Variants in ING3 observed in about 807,000 individuals in gnomAD.
The protein encoded by ING3 is inhibitor of growth family member 3.
In ING3, 6 loss-of-function variants were observed where a neutral mutation model predicts 64.8. That is an observed-to-expected ratio of 0.09 (90% CI 0.05 to 0.18). ING3 has a LOEUF of 0.18. Ranked by LOEUF, ING3 falls within the 10% of genes least tolerant of loss-of-function variation. The pLI, the probability that ING3 is intolerant of heterozygous loss-of-function variation, is 1.00. For synonymous variants in ING3, 170 were observed against 173.7 expected, an observed-to-expected ratio of 0.98 and a Z score of 0.17; for missense variants, 310 against 489.7, an observed-to-expected ratio of 0.63 and a Z score of 3.46.
chr7:120,967,413 G>A, intron 6 of ING3, 116 bp from the exon 7 acceptor site: 1 of 657,422 alleles, frequency 1.5e-6, no homozygotes, highest in Non-Finnish European at 2.4e-6. Flanking sequence ...ATCATGTTCT[G>A]TATTTTATGA....
At chr7:120,966,908 AG>A (rs1446178822) in intron 6 of ING3, among the ~76,000 whole-genome samples, 1 of 152,160 alleles carries the variant, frequency 6.6e-6, no homozygotes, top group Non-Finnish European at 1.5e-5. Flanking sequence ...AATGCGTAGA[AG>A]GAGAATGTAT....
In ING3 at chr7:120,968,017, G is replaced by A; in HGVS notation, c.640G>A (p.Gly214Ser). The A allele has an allele frequency of 6.2e-7, 1 of 1,614,010 alleles. No individual in the cohort carries two copies. The highest frequency in any genetic ancestry group is 8.5e-7 in the Non-Finnish European group (1 of 1,179,990). Reference protein sequence around the residue: ...SSQPLGSYNIGSLSSGTGAGA... With the variant: ...SSQPLGSYNISSLSSGTGAGA... The stretch of plus-strand genomic sequence containing the variant: ...CCAACCTCTGGGATCCTATAACATT[G>A]GCTCGTTATCTTCAGGAACTGGTGC... Residue 214 changes from glycine (G) to serine (S), a missense_variant, in exon 8 of 12, where the codon GGC becomes AGC. By Grantham distance (56) the Gly-to-Ser change is moderately conservative. This residue lies in a region of ING3 where 233 missense variants were observed against 289.4 expected (regional missense o/e 0.81). Coordinates refer to ENST00000315870, the MANE Select transcript of ING3 (RefSeq NM_019071.3).
At chr7:120,959,377 C>A (rs1299120186) in intron 4 of ING3, among the ~76,000 whole-genome samples, 1 of 152,212 alleles carries the variant, frequency 6.6e-6, no homozygotes, top group African/African-American at 2.4e-5. Context: ...TTAGTGTTAA[C>A]AATTATACGT....
Position 120,969,097 on chromosome 7 carries a change from A to G in ING3, c.801A>G (p.Ser267=). ...ACTTTCAGTTGGGAAAAGAATTTTCAATGGCCAGGGAAACAGTTGGCTATT... is the reference window on the plus strand; with the variant it reads ...ACTTTCAGTTGGGAAAAGAATTTTCGATGGCCAGGGAAACAGTTGGCTATT... The part of the protein sequence containing the change: ...NNDFQLGKEF[S]MARETVGYSS... The change falls in exon 9 of 12, where the codon TCA becomes TCG. Residue 267 remains serine (S), a synonymous_variant. Coordinates refer to ENST00000315870, the MANE Select transcript of ING3 (RefSeq NM_019071.3). 1.9e-6 allele frequency: 3 copies of G among 1,614,100 alleles called. No homozygotes were observed. The highest frequency in any genetic ancestry group is 2.5e-6 in the Non-Finnish European group (3 of 1,179,936).
chr7:120,951,103 GT>G (rs991468175), intron 1 of ING3, 60 bp from the exon 2 acceptor site: 1 of 1,577,862 alleles, frequency 6.3e-7, no homozygotes, highest in Admixed American at 1.7e-5. Context: ...CACGCGCGCA[GT>G]GACGTAAGCG....
At chr7:120,971,003 TC>T (rs1421539489) in intron 10 of ING3, 123 bp downstream of exon 10, 12 of 1,029,848 alleles carry the variant, frequency 1.2e-5, no homozygotes, top group African/African-American at 1.6e-5. Flanking sequence ...TATACTTTTC[TC>T]CCCCTTCTTA....
intron 2 of ING3, among the ~76,000 whole-genome samples, chr7:120,951,633 A>G (rs1451845287): frequency 1.3e-5 from 2 of 152,220 alleles, no homozygotes; most frequent in African/African-American, 2.4e-5. Flanking sequence ...TCCTATTCAC[A>G]GTTTTTCAAG....
chr7:120,957,618 A>G (rs1795868866), intron 4 of ING3, among the ~76,000 whole-genome samples: 2 of 152,236 alleles, frequency 1.3e-5, no homozygotes, highest in Non-Finnish European at 2.9e-5. Flanking sequence ...TAGAAAGTCA[A>G]GGTCCTGAAT....
intron 5 of ING3, 75 bp from the exon 6 acceptor site, chr7:120,966,551 C>A: frequency 9.2e-7 from 1 of 1,089,020 alleles, no homozygotes; most frequent in Non-Finnish European, 1.4e-6. Context: ...GAACTCATTG[C>A]CTGTAGTTGA....
chr7:120,950,958 G>C lies in ING3; in HGVS notation c.28+34G>C, dbSNP rs1045720837. 3 of 1,612,278 alleles carry C rather than the reference G, an allele frequency of 1.9e-6. No homozygotes were observed. The African/African-American group carries it at 4.0e-5, about 22-fold the overall frequency. On this transcript the variant is annotated intron_variant, in intron 1 of 11. Coordinates refer to ENST00000315870, the MANE Select transcript of ING3 (RefSeq NM_019071.3). ...GCGGCGCTGGCGGCGGCCGCCAGTGGGACGTGCGGGCGGGCAAGAGCGCGA... is the reference window on the plus strand; with the variant it reads ...GCGGCGCTGGCGGCGGCCGCCAGTGCGACGTGCGGGCGGGCAAGAGCGCGA...
chr7:120,972,747 A>G (rs534993185), intron 10 of ING3, among the ~76,000 whole-genome samples: 11 of 152,292 alleles, frequency 7.2e-5, no homozygotes, highest in African/African-American at 2.2e-4. Context: ...GTTATGCCCT[A>G]AAGTGCTGGT....
chr7:120,973,437 T>C (rs1052351135), intron 11 of ING3, among the ~76,000 whole-genome samples, 194 bp downstream of exon 11: 7 of 152,164 alleles, frequency 4.6e-5, no homozygotes, highest in African/African-American at 1.7e-4. Flanking sequence ...TTTTAATTTT[T>C]AAAGCTAATT....
chr7:120,972,073 G>A (rs1378145595), intron 10 of ING3, among the ~76,000 whole-genome samples: 1 of 151,688 alleles, frequency 6.6e-6, no homozygotes, highest in Non-Finnish European at 1.5e-5. Flanking sequence ...TATTGTTTTT[G>A]TTATGTACTC....
rs761299225 is a variant in ING3 at position 120,956,116 on chromosome 7, G to A, written c.267+492G>A. 247 of 1,305,320 alleles carry A rather than the reference G, an allele frequency of 1.9e-4. 1 individual carries two copies. The highest frequency in any genetic ancestry group is 1.3e-3 in the Admixed American group (79 of 59,146). The allele number at this position is 1,305,320 out of a possible 1,614,324, so 80.9% of individuals were successfully genotyped here. ...TGTAACAGCTGTGTCAGTTGTTTAAGCAATACAAGATGACAAACTTTAAAC... is the reference window on the plus strand; with the variant it reads ...TGTAACAGCTGTGTCAGTTGTTTAAACAATACAAGATGACAAACTTTAAAC... On this transcript the variant is annotated intron_variant, in intron 4 of 11. Coordinates refer to ENST00000315870, the MANE Select transcript of ING3 (RefSeq NM_019071.3).
chr7:120,964,681 A>T, intron 4 of ING3, 61 bp from the exon 5 acceptor site: 1 of 1,328,104 alleles, frequency 7.5e-7, no homozygotes, highest in Non-Finnish European at 1.1e-6. Flanking sequence ...TTTCCTCATT[A>T]AGCTGACACT....
At chr7:120,956,796 C>G (rs919711580) in intron 4 of ING3, 1 of 977,444 alleles carries the variant, frequency 1.0e-6, no homozygotes, top group South Asian at 4.7e-5. Context: ...CATTCTTCCT[C>G]ATATTCAATG....
Position 120,969,073 on chromosome 7 carries a change from C to G in ING3, c.777C>G (p.Asp259Glu). 6.2e-7 allele frequency: 1 copy of G among 1,613,822 alleles called. No individual in the cohort carries two copies. Among genetic ancestry groups the G allele is most frequent in the Non-Finnish European group, 8.5e-7 (1 of 1,179,866 alleles). The change falls in exon 9 of 12, where the codon GAC (aspartate) becomes GAG (glutamate). Residue 259 changes from aspartate to glutamate, a missense_variant. Transcript: ENST00000315870. ...KASYEAFKNNDFQLGKEFSMA... is the reference protein window; with the variant it reads ...KASYEAFKNNEFQLGKEFSMA... ...GTTATGAAGCATTTAAGAATAATGA[C>G]TTTCAGTTGGGAAAAGAATTTTCAA...
rs1271627447 is a variant in ING3 at position 120,975,682 on chromosome 7, A to C, written c.*838A>C. On this transcript the variant is annotated 3_prime_UTR_variant, in exon 12 of 12. Transcript: ENST00000315870. ...ACTTGTATTTATACTTTACATACTT[A>C]ATAATGAAAATTTCTGAATTCCAAT... is the stretch of plus-strand genomic sequence containing the variant. 6.6e-6 allele frequency: 1 copy of C among 152,166 alleles called. No homozygotes were observed. Among genetic ancestry groups the C allele is most frequent in the Non-Finnish European group, 1.5e-5 (1 of 68,002 alleles). 9.4% of individuals were successfully genotyped at this position (152,166 alleles called of 1,614,324 possible).
chr7:120,957,896 A>T (rs1179731323), intron 4 of ING3, among the ~76,000 whole-genome samples: 1 of 152,238 alleles, frequency 6.6e-6, no homozygotes, highest in Non-Finnish European at 1.5e-5. Context: ...CTTGAACCAC[A>T]GTTTCCTGCT....
Sources: allele counts gnomAD v4.1 joint callset (sites outside exome capture counted in the v4.1 genomes callset), GRCh38; gene constraint gnomAD v4.1.1; regional missense constraint gnomAD v4.1.1; transcripts MANE v1.5; gene names NCBI Gene and HGNC (gene_info 2026-07-23, HGNC 2026-07-21).